The following QTMAN variants were observed in gnomAD, a reference collection of about 807,000 sequenced individuals.
QTMAN encodes tRNA-queuosine alpha-mannosyltransferase.
the QTMAN span, among the ~76,000 whole-genome samples, chr2:143,991,464 C>G: frequency 1.2e-4 from 18 of 147,338 alleles, no homozygotes; most frequent in Admixed American, 1.1e-3. Flanking sequence ...GGCCAGCCGC[C>G]CCGTCCGGGA....
chr2:144,106,749 A>C, the QTMAN span, among the ~76,000 whole-genome samples: 10 of 152,242 alleles, frequency 6.6e-5, no homozygotes, highest in African/African-American at 2.4e-4. Context: ...CTCTGCACCA[A>C]GTGGACCTAA....
chr2:144,173,995 TG>T, the QTMAN span, among the ~76,000 whole-genome samples: 21 of 152,308 alleles, frequency 1.4e-4, no homozygotes, highest in Admixed American at 1.4e-3. Flanking sequence ...AAGCAGATGT[TG>T]GGGGAATACT....
At chr2:144,071,125 CAAAT>C in the QTMAN span, among the ~76,000 whole-genome samples, 3 of 150,484 alleles carry the variant, frequency 2.0e-5, no homozygotes, top group Non-Finnish European at 3.0e-5. Context: ...TACAATAAAA[CAAAT>C]AAAACATTGT....
the QTMAN span, among the ~76,000 whole-genome samples, chr2:144,221,813 T>C: frequency 6.6e-6 from 1 of 152,196 alleles, no homozygotes; most frequent in Non-Finnish European, 1.5e-5. Flanking sequence ...AAACTAATAG[T>C]GCTATAGCGA....
the QTMAN span, chr2:143,938,706 CCTTT>C: frequency 6.6e-6 from 1 of 152,138 alleles, no homozygotes; most frequent in Non-Finnish European, 1.5e-5. Flanking sequence ...ATTTCCAAGT[CCTTT>C]TTTTAAATGT....
chr2:144,333,042 A>G, the QTMAN span, among the ~76,000 whole-genome samples: 1 of 151,750 alleles, frequency 6.6e-6, no homozygotes, highest in African/African-American at 2.4e-5. Context: ...CGACACCTCT[A>G]CCTGCTCTGC....
the QTMAN span, among the ~76,000 whole-genome samples, chr2:144,073,655 T>A: frequency 5.3e-3 from 809 of 152,330 alleles, 8 homozygotes; most frequent in Middle Eastern, 0.017. Context: ...TAACATAACG[T>A]TTGAAAAAAT....
the QTMAN span, among the ~76,000 whole-genome samples, chr2:144,102,582 T>C: frequency 8.5e-5 from 13 of 152,186 alleles, no homozygotes; most frequent in Admixed American, 8.5e-4. Flanking sequence ...GAGGTTGCTT[T>C]GACATGTCAT....
the QTMAN span, among the ~76,000 whole-genome samples, chr2:144,040,050 G>A: frequency 6.6e-6 from 1 of 152,156 alleles, no homozygotes; most frequent in African/African-American, 2.4e-5. Context: ...ATAGCAAAGG[G>A]TCATGCAAGT....
At chr2:144,333,056 C>A in the QTMAN span, among the ~76,000 whole-genome samples, 1 of 151,960 alleles carries the variant, frequency 6.6e-6, no homozygotes, top group African/African-American at 2.4e-5. Context: ...GCTCTGCAGC[C>A]CGGAGCTCCT....
the QTMAN span, among the ~76,000 whole-genome samples, chr2:143,990,126 A>G: frequency 5.3e-5 from 8 of 151,846 alleles, no homozygotes; most frequent in South Asian, 2.1e-4. Flanking sequence ...CTGCTAGATT[A>G]CGGTAATTCC....
chr2:144,121,259 C>A, the QTMAN span, among the ~76,000 whole-genome samples: 3 of 152,132 alleles, frequency 2.0e-5, no homozygotes, highest in Admixed American at 2.0e-4. Flanking sequence ...TCACTACCCT[C>A]GCACAGTATG....
At chr2:144,207,873 T>C in the QTMAN span, among the ~76,000 whole-genome samples, 2 of 151,946 alleles carry the variant, frequency 1.3e-5, no homozygotes, top group Non-Finnish European at 2.9e-5. Context: ...TTATTATTAT[T>C]AGGGATGGGG....
the QTMAN span, among the ~76,000 whole-genome samples, chr2:144,156,550 A>C: frequency 6.6e-6 from 1 of 152,098 alleles, no homozygotes; most frequent in African/African-American, 2.4e-5. Context: ...TGTGTGTGAG[A>C]ATTCTCATTT....
the QTMAN span, among the ~76,000 whole-genome samples, chr2:144,183,136 CTT>C: frequency 6.6e-6 from 1 of 150,916 alleles, no homozygotes; most frequent in Non-Finnish European, 1.5e-5. Context: ...AGCCTACACT[CTT>C]TTTGGTTAAT....
chr2:144,055,368 C>T, the QTMAN span, among the ~76,000 whole-genome samples: 6 of 150,360 alleles, frequency 4.0e-5, no homozygotes, highest in Non-Finnish European at 8.9e-5. Context: ...CACACACACA[C>T]CCCTCTGAGA....
chr2:143,954,881 C>T, the QTMAN span, among the ~76,000 whole-genome samples: 6 of 151,992 alleles, frequency 3.9e-5, no homozygotes, highest in Non-Finnish European at 8.8e-5. Flanking sequence ...TAGTAAATGA[C>T]CTTTTTATTC....
chr2:144,198,828 G>A, the QTMAN span, among the ~76,000 whole-genome samples: 1 of 152,232 alleles, frequency 6.6e-6, no homozygotes, highest in Admixed American at 6.5e-5. Flanking sequence ...CACTCAACCT[G>A]ATCTCCCATA....
the QTMAN span, among the ~76,000 whole-genome samples, chr2:144,081,690 G>A: frequency 2.0e-5 from 3 of 152,078 alleles, no homozygotes; most frequent in African/African-American, 4.8e-5. Context: ...GAAGACCTGC[G>A]GGGAACAGGA....
Sources: allele counts gnomAD v4.1 joint callset (sites outside exome capture counted in the v4.1 genomes callset), GRCh38; gene constraint gnomAD v4.1.1; transcripts MANE v1.5; gene names NCBI Gene and HGNC (gene_info 2026-07-23, HGNC 2026-07-21).